The following TAFA2 variants were observed in gnomAD, a reference collection of about 807,000 sequenced individuals.
TAFA2 encodes the protein chemokine-like protein TAFA-2.
A neutral mutation model predicts 18.8 loss-of-function variants in TAFA2; 7 were observed. The ratio of observed to expected loss-of-function variants is 0.37; its 90% CI spans 0.21 to 0.70. The LOEUF (loss-of-function observed/expected upper bound fraction) is 0.70. Ranked by LOEUF, TAFA2 falls within the 30% of genes least tolerant of loss-of-function variation. TAFA2 has a pLI of 0.53. For synonymous variants in TAFA2, 60 were observed against 54.2 expected (o/e 1.11, Z -0.47); for missense variants, 122 against 158.1 (o/e 0.77, Z 1.23).
intron 1 of TAFA2, among the ~76,000 whole-genome samples, chr12:61,870,358 G>T (rs1023482593): frequency 6.6e-6 from 1 of 152,102 alleles, no homozygotes; most frequent in African/African-American, 2.4e-5. Context: ...TCCTATGTCT[G>T]TCTTTTTCAC....
chr12:62,221,724 A>G (rs2062763781), intron 1 of TAFA2, among the ~76,000 whole-genome samples: 1 of 152,124 alleles, frequency 6.6e-6, no homozygotes, highest in Non-Finnish European at 1.5e-5. Context: ...AATGATAAAG[A>G]TTTTAGAAAA....
At chr12:61,735,765 T>C (rs1471406878) in intron 4 of TAFA2, among the ~76,000 whole-genome samples, 1 of 152,056 alleles carries the variant, frequency 6.6e-6, no homozygotes, top group East Asian at 1.9e-4. Flanking sequence ...AGCTTAATAA[T>C]TCACTATTGT....
At chr12:62,148,850 C>T (rs1375388177) in intron 1 of TAFA2, among the ~76,000 whole-genome samples, 2 of 152,114 alleles carry the variant, frequency 1.3e-5, no homozygotes, top group East Asian at 1.9e-4. Flanking sequence ...ACCCTGTCTC[C>T]AATTAAAAAA....
chr12:61,913,874 G>T lies in TAFA2; in HGVS notation c.-1-46448C>A, dbSNP rs146258145. On this transcript the variant is annotated intron_variant, in intron 1 of 4. Transcript: ENST00000416284. Reference sequence around the variant, plus strand: ...GTGATATATTCACAATCCTTCAACAGATCACAACACTTGAGTTTCAAGGGT... The same window carrying T: ...GTGATATATTCACAATCCTTCAACATATCACAACACTTGAGTTTCAAGGGT... Among the ~76,000 whole-genome samples the T allele has an allele frequency of 1.3e-5, 2 of 152,270 alleles. 1 individual carries two copies. Among genetic ancestry groups the T allele is most frequent in the East Asian group, 3.9e-4 (2 of 5,184 alleles).
intron 2 of TAFA2, among the ~76,000 whole-genome samples, chr12:61,807,580 C>T (rs1592402165): frequency 6.6e-6 from 1 of 151,460 alleles, no homozygotes; most frequent in Admixed American, 6.6e-5. Context: ...GGTAGATCCA[C>T]TGATAACTTG....
intron 1 of TAFA2, among the ~76,000 whole-genome samples, chr12:62,165,020 T>C (rs2062429367): frequency 1.3e-5 from 2 of 152,080 alleles, no homozygotes; most frequent in Non-Finnish European, 2.9e-5. Flanking sequence ...TGGAAGTTCC[T>C]TAACTAGTCT....
At chr12:61,846,813 C>T (rs1020046734) in intron 2 of TAFA2, among the ~76,000 whole-genome samples, 29 of 152,176 alleles carry the variant, frequency 1.9e-4, no homozygotes, top group African/African-American at 6.7e-4. Flanking sequence ...AAATACAAAG[C>T]GATTTCAATA....
intron 2 of TAFA2, among the ~76,000 whole-genome samples, chr12:61,823,057 AAATT>A (rs141152075): frequency 0.026 from 3,943 of 152,296 alleles, 163 homozygotes; most frequent in African/African-American, 0.09. Context: ...CTCTATAAAT[AAATT>A]AATGGCTAGC....
intron 1 of TAFA2, among the ~76,000 whole-genome samples, chr12:61,929,015 AG>A (rs1444647994): frequency 6.6e-6 from 1 of 152,148 alleles, no homozygotes; most frequent in Non-Finnish European, 1.5e-5. Flanking sequence ...TTGGGGGGTG[AG>A]GAACAAGGGA....
intron 1 of TAFA2, among the ~76,000 whole-genome samples, chr12:62,158,358 T>C (rs1225184140): frequency 3.3e-5 from 5 of 152,248 alleles, no homozygotes; most frequent in African/African-American, 7.2e-5. Flanking sequence ...TCAAATAATA[T>C]TTTGTTAAAA....
chr12:62,058,143 T>A (rs1452387338), intron 1 of TAFA2, among the ~76,000 whole-genome samples: 3 of 152,256 alleles, frequency 2.0e-5, no homozygotes, highest in Non-Finnish European at 4.4e-5. Flanking sequence ...CCATTCTTGC[T>A]ATTGAGAAGT....
intron 1 of TAFA2, among the ~76,000 whole-genome samples, chr12:61,955,129 G>A (rs1878606117): frequency 6.6e-6 from 1 of 152,044 alleles, no homozygotes; most frequent in African/African-American, 2.4e-5. Context: ...CATATTGTTA[G>A]AGTAATAAAA....
intron 2 of TAFA2, among the ~76,000 whole-genome samples, chr12:61,805,156 T>C (rs1871558993): frequency 6.6e-6 from 1 of 151,974 alleles, no homozygotes; most frequent in African/African-American, 2.4e-5. Context: ...ACATATATTA[T>C]AATCAAATTT....
chr12:61,908,189 G>T (rs1876445747), intron 1 of TAFA2, among the ~76,000 whole-genome samples: 1 of 151,988 alleles, frequency 6.6e-6, no homozygotes, highest in Admixed American at 6.6e-5. Flanking sequence ...GAAATGATAT[G>T]GTTTGTGTCC....
intron 1 of TAFA2, among the ~76,000 whole-genome samples, chr12:61,987,077 C>G (rs1050424670): frequency 6.6e-6 from 1 of 152,108 alleles, no homozygotes; most frequent in African/African-American, 2.4e-5. Context: ...AAAAAGGTCA[C>G]TAAAATAAAA....
intron 1 of TAFA2, among the ~76,000 whole-genome samples, chr12:62,216,360 A>G (rs1171043373): frequency 2.0e-5 from 3 of 152,184 alleles, no homozygotes; most frequent in Non-Finnish European, 4.4e-5. Context: ...TTCCCAAGAC[A>G]GTAAATTTTA....
chr12:61,952,843 T>C (rs888105021), intron 1 of TAFA2, among the ~76,000 whole-genome samples: 20 of 152,194 alleles, frequency 1.3e-4, no homozygotes, highest in African/African-American at 4.3e-4. Flanking sequence ...TGTATGATTA[T>C]ATATATGGTC....
intron 1 of TAFA2, among the ~76,000 whole-genome samples, chr12:61,904,477 G>A (rs1329148176): frequency 6.6e-6 from 1 of 152,108 alleles, no homozygotes; most frequent in Non-Finnish European, 1.5e-5. Flanking sequence ...CACTCTCCCA[G>A]GTGCTGTGGT....
chr12:61,782,436 T>A (rs1479492918), intron 2 of TAFA2, among the ~76,000 whole-genome samples: 1 of 151,728 alleles, frequency 6.6e-6, no homozygotes, highest in African/African-American at 2.4e-5. Flanking sequence ...AATCTTTGAA[T>A]CTGCCCATGA....
Sources: allele counts gnomAD v4.1 joint callset (sites outside exome capture counted in the v4.1 genomes callset), GRCh38; gene constraint gnomAD v4.1.1; transcripts MANE v1.5; gene names NCBI Gene and HGNC (gene_info 2026-07-23, HGNC 2026-07-21).